SLC25A36: variants seen among roughly 807,000 people sequenced by gnomAD.
SLC25A36 encodes solute carrier family 25 member 36.
Under a neutral mutation model 35.3 loss-of-function variants are expected in SLC25A36, and 24 were observed. That is an observed-to-expected ratio of 0.68 (90% CI 0.49 to 0.96). SLC25A36 has a LOEUF of 0.96. Ranked by LOEUF, SLC25A36 falls within the 40% of genes least tolerant of loss-of-function variation. The pLI, the probability that SLC25A36 is intolerant of heterozygous loss-of-function variation, is 0.00. For missense variants in SLC25A36, 294 were observed against 381.1 expected (o/e 0.77, Z 1.90); for synonymous variants, 141 against 132.2 (o/e 1.07, Z -0.46).
intron 1 of SLC25A36, among the ~76,000 whole-genome samples, chr3:140,953,105 A>G (rs555840643): frequency 6.6e-6 from 1 of 152,214 alleles, no homozygotes; most frequent in Non-Finnish European, 1.5e-5. Flanking sequence ...TGAGTCCTAC[A>G]TTGCATATAC....
At chr3:140,944,433 G>C (rs1934109415) in intron 1 of SLC25A36, among the ~76,000 whole-genome samples, 2 of 151,524 alleles carry the variant, frequency 1.3e-5, no homozygotes, top group African/African-American at 4.9e-5. Flanking sequence ...AAGGTCAGTA[G>C]TTAGGTTAAT....
intron 5 of SLC25A36, among the ~76,000 whole-genome samples, chr3:140,971,872 G>A (rs944684918): frequency 3.3e-5 from 5 of 152,106 alleles, no homozygotes; most frequent in African/African-American, 1.2e-4. Context: ...TTTGGTGTTT[G>A]GGAAATAGTG....
At chr3:140,945,193 C>T (rs1262922752) in intron 1 of SLC25A36, among the ~76,000 whole-genome samples, 2 of 152,164 alleles carry the variant, frequency 1.3e-5, no homozygotes, top group African/African-American at 4.8e-5. Context: ...GAGAGGCTAG[C>T]CAAGATCTCT....
Position 140,978,371 on chromosome 3 carries a change from T to G in SLC25A36, c.*1918T>G, listed in dbSNP as rs1348779032. 6.6e-6 allele frequency: 1 copy of G among 152,184 alleles called. No individual in the cohort carries two copies. Among genetic ancestry groups the G allele is most frequent in the Non-Finnish European group, 1.5e-5 (1 of 68,022 alleles). The allele number at this position is 152,184 out of a possible 1,614,324, so 9.4% of individuals were successfully genotyped here. On this transcript the variant is annotated 3_prime_UTR_variant, in exon 7 of 7. Transcript: ENST00000324194. ...TAGAGAAGGTCTGAATCTATCGTGT[T>G]TGCCTTTTCAGGTGCCATTTCTACT...
At chr3:140,954,294 A>C (rs1211120719) in intron 1 of SLC25A36, among the ~76,000 whole-genome samples, 1 of 152,220 alleles carries the variant, frequency 6.6e-6, no homozygotes, top group African/African-American at 2.4e-5. Flanking sequence ...CCACTAGTTG[A>C]TGGACATTTG....
intron 6 of SLC25A36, among the ~76,000 whole-genome samples, chr3:140,975,449 A>T (rs749619701): frequency 2.0e-5 from 3 of 152,114 alleles, no homozygotes; most frequent in Non-Finnish European, 4.4e-5. Context: ...AATCTTTAAG[A>T]CAGAACAGAT....
chr3:140,942,119 C>G, intron 1 of SLC25A36, 24 bp downstream of exon 1: 1 of 1,196,792 alleles, frequency 8.4e-7, no homozygotes, highest in Non-Finnish European at 1.1e-6. Flanking sequence ...GGGGCGTGCG[C>G]ACTGGGGCTG....
At chr3:140,950,126 G>T (rs1274383065) in intron 1 of SLC25A36, among the ~76,000 whole-genome samples, 2 of 151,830 alleles carry the variant, frequency 1.3e-5, no homozygotes, top group Non-Finnish European at 2.9e-5. Context: ...AACAGTTTTT[G>T]TTAAAAATCA....
At chr3:140,962,429 A>G (rs1934653596) in intron 3 of SLC25A36, among the ~76,000 whole-genome samples, 1 of 152,188 alleles carries the variant, frequency 6.6e-6, no homozygotes, top group Non-Finnish European at 1.5e-5. Context: ...GTAAGTTAAC[A>G]ATGAGGGAAA....
chr3:140,971,110 C>G (rs1934887528), intron 5 of SLC25A36, 117 bp downstream of exon 5: 2 of 561,308 alleles, frequency 3.6e-6, no homozygotes, highest in Admixed American at 5.9e-5. Context: ...AATTTTGAAA[C>G]TTGGGTCTGC....
chr3:140,942,888 T>A (rs1314216553), intron 1 of SLC25A36, among the ~76,000 whole-genome samples: 1 of 152,184 alleles, frequency 6.6e-6, no homozygotes, highest in African/African-American at 2.4e-5. Context: ...GTCAGATTCC[T>A]TTCGAGAAAA....
At chr3:140,959,381 A>T in intron 2 of SLC25A36, 82 bp from the exon 3 acceptor site, 1 of 779,618 alleles carries the variant, frequency 1.3e-6, no homozygotes, top group Non-Finnish European at 2.0e-6. Context: ...TACTGGATTT[A>T]GACTCTAACT....
chr3:140,965,273 C>T (rs1419842429), intron 4 of SLC25A36: 1 of 151,518 alleles, frequency 6.6e-6, no homozygotes, highest in East Asian at 1.9e-4. Flanking sequence ...CCAGATTACT[C>T]GGGGTTTTTT....
rs772947066 is a variant in SLC25A36 at position 140,970,917 on chromosome 3, G to C, written c.386-10G>C. 1 of 1,358,978 alleles carries C rather than the reference G, an allele frequency of 7.4e-7. No individual in the cohort carries two copies. The highest frequency in any genetic ancestry group is 2.3e-5 in the East Asian group (1 of 43,448). The allele number at this position is 1,358,978 out of a possible 1,614,324, so 84.2% of individuals were successfully genotyped here. On this transcript the variant is annotated splice_polypyrimidine_tract_variant and intron_variant, in intron 4 of 6. Coordinates refer to ENST00000324194, the MANE Select transcript of SLC25A36 (RefSeq NM_001104647.3). ...TTTTACCAGAGTTCATTTTAAACAT[G>C]TTTGTTTAGGTTTTACTGCAATCAC...
chr3:140,955,354 A>AACTT (rs1228006854), intron 1 of SLC25A36, among the ~76,000 whole-genome samples: 1 of 151,956 alleles, frequency 6.6e-6, no homozygotes, highest in Non-Finnish European at 1.5e-5. Flanking sequence ...GGTCCACGTT[A>AACTT]ACCTGACTCA....
chr3:140,957,697 C>T (rs1045089167), intron 2 of SLC25A36, among the ~76,000 whole-genome samples: 5 of 151,988 alleles, frequency 3.3e-5, no homozygotes, highest in African/African-American at 7.3e-5. Context: ...GCCGAGATTG[C>T]GCCACTGTAT....
intron 4 of SLC25A36, chr3:140,968,648 A>G: frequency 1.0e-6 from 1 of 970,106 alleles, no homozygotes; most frequent in Non-Finnish European, 1.2e-6. Flanking sequence ...TTATTGTACT[A>G]TTGTAAAGTT....
At chr3:140,974,630 T>G (rs1452400163) in intron 6 of SLC25A36, among the ~76,000 whole-genome samples, 2 of 152,202 alleles carry the variant, frequency 1.3e-5, no homozygotes, top group African/African-American at 2.4e-5. Context: ...GTAAATCACT[T>G]AAGAATTTAT....
At chr3:140,950,969 A>G (rs923313602) in intron 1 of SLC25A36, among the ~76,000 whole-genome samples, 1 of 150,494 alleles carries the variant, frequency 6.6e-6, no homozygotes, top group African/African-American at 2.5e-5. Context: ...TGGGCATCCT[A>G]CCTTTGTCAT....
Sources: gnomAD v4.1 joint callset for allele counts (sites outside exome capture counted in the v4.1 genomes callset) on GRCh38, gnomAD v4.1.1 for gene constraint, MANE v1.5 for transcripts, NCBI Gene and HGNC (gene_info 2026-07-23, HGNC 2026-07-21) for gene names.